CNTN5: variants seen among roughly 807,000 people sequenced by gnomAD.
CNTN5 encodes contactin-5.
In CNTN5, 77 loss-of-function variants were observed where a neutral mutation model predicts 129.1. The ratio of observed to expected loss-of-function variants is 0.60; its 90% CI spans 0.50 to 0.72. The LOEUF (loss-of-function observed/expected upper bound fraction) is 0.72. Ranked by LOEUF, CNTN5 falls within the 30% of genes least tolerant of loss-of-function variation. The pLI is 0.00. For synonymous variants in CNTN5, 509 were observed against 465.6 expected (o/e 1.09, Z -1.20); for missense variants, 1,478 against 1,328.8 (o/e 1.11, Z -1.75).
chr11:99,645,585 G>A (rs1003879685), intron 3 of CNTN5, among the ~76,000 whole-genome samples: 10 of 152,116 alleles, frequency 6.6e-5, no homozygotes, highest in African/African-American at 2.4e-4. Flanking sequence ...TTAAGAAAAT[G>A]TGGTAATATA....
chr11:99,102,208 G>A (rs1234538363), intron 1 of CNTN5, among the ~76,000 whole-genome samples: 1 of 152,072 alleles, frequency 6.6e-6, no homozygotes, highest in Non-Finnish European at 1.5e-5. Flanking sequence ...GGGGTTCTGG[G>A]CCTGGACCAC....
At chr11:99,790,952 T>C (rs1333213636) in intron 3 of CNTN5, among the ~76,000 whole-genome samples, 2 of 152,166 alleles carry the variant, frequency 1.3e-5, no homozygotes, top group Non-Finnish European at 2.9e-5. Context: ...CACATATATG[T>C]CTTCTTTTGA....
intron 2 of CNTN5, among the ~76,000 whole-genome samples, chr11:99,397,025 A>G (rs1941560809): frequency 1.3e-5 from 2 of 151,688 alleles, no homozygotes; most frequent in South Asian, 4.1e-4. Context: ...ATTGCCTAAA[A>G]TCTAATAGAT....
chr11:100,349,598 T>C (rs1178388672), intron 23 of CNTN5, among the ~76,000 whole-genome samples: 1 of 151,878 alleles, frequency 6.6e-6, no homozygotes, highest in African/African-American at 2.4e-5. Flanking sequence ...GTATAGGAGA[T>C]TTTGTTTTCT....
chr11:99,235,214 A>T (rs999455600), intron 1 of CNTN5, among the ~76,000 whole-genome samples: 6 of 152,136 alleles, frequency 3.9e-5, no homozygotes, highest in African/African-American at 1.4e-4. Flanking sequence ...AAGATAGCAC[A>T]TAACAAATTA....
intron 18 of CNTN5, among the ~76,000 whole-genome samples, chr11:100,288,643 A>C: frequency 6.6e-6 from 1 of 152,024 alleles, no homozygotes; most frequent in Non-Finnish European, 1.5e-5. Context: ...CTAAATGCCC[A>C]CAAGAGAAAG....
chr11:99,166,160 T>C (rs530060118), intron 1 of CNTN5, among the ~76,000 whole-genome samples: 16 of 152,214 alleles, frequency 1.1e-4, no homozygotes, highest in Non-Finnish European at 8.8e-5. Context: ...TCCCAGCACT[T>C]TGGGAGGCCA....
intron 3 of CNTN5, among the ~76,000 whole-genome samples, chr11:99,599,377 G>T (rs118034177): frequency 0.039 from 5,918 of 152,054 alleles, 149 homozygotes; most frequent in South Asian, 0.086. Flanking sequence ...TAGCCATTTA[G>T]AAATGGATTT....
intron 1 of CNTN5, among the ~76,000 whole-genome samples, chr11:99,051,794 G>C (rs1864437429): frequency 6.6e-6 from 1 of 151,776 alleles, no homozygotes; most frequent in Non-Finnish European, 1.5e-5. Context: ...TCTTTTTTCA[G>C]GGATTGTAGT....
At chr11:99,247,919 CAT>C (rs1256955738) in intron 1 of CNTN5, among the ~76,000 whole-genome samples, 3 of 152,150 alleles carry the variant, frequency 2.0e-5, no homozygotes, top group East Asian at 3.8e-4. Context: ...CCGCAATAAA[CAT>C]ATGTGTGCAA....
At chr11:99,904,489 G>T (rs1326312430) in intron 6 of CNTN5, among the ~76,000 whole-genome samples, 5 of 148,602 alleles carry the variant, frequency 3.4e-5, no homozygotes, top group African/African-American at 1.2e-4. Context: ...TTTTACGGCT[G>T]CATAGTATTC....
At chr11:99,788,322 G>A (rs1487050169) in intron 3 of CNTN5, among the ~76,000 whole-genome samples, 4 of 151,742 alleles carry the variant, frequency 2.6e-5, no homozygotes, top group Non-Finnish European at 5.9e-5. Flanking sequence ...AGGCTGTGGA[G>A]GGCATTTCAA....
intron 1 of CNTN5, among the ~76,000 whole-genome samples, chr11:99,311,694 C>T (rs886236908): frequency 3.9e-5 from 6 of 151,974 alleles, no homozygotes; most frequent in South Asian, 4.1e-4. Flanking sequence ...TTTAAAAAGT[C>T]GAACTCTTTA....
At chr11:100,058,063 T>C (rs193262814) in intron 9 of CNTN5, among the ~76,000 whole-genome samples, 168 of 152,214 alleles carry the variant, frequency 1.1e-3, no homozygotes, top group Admixed American at 2.5e-3. Flanking sequence ...TACTAGAATA[T>C]GTAACCAGCT....
chr11:99,983,665 T>C (rs1938492980), intron 8 of CNTN5, among the ~76,000 whole-genome samples: 1 of 152,184 alleles, frequency 6.6e-6, no homozygotes. Flanking sequence ...TGATTGACAA[T>C]ATGCTACCAT....
intron 13 of CNTN5, among the ~76,000 whole-genome samples, chr11:100,151,193 G>GTAAT (rs954084110): frequency 6.7e-6 from 1 of 149,020 alleles, no homozygotes; most frequent in African/African-American, 2.5e-5. Context: ...ATTGTTGTGT[G>GTAAT]TAATTAAACT....
chr11:99,808,473 C>G (rs1014810841), intron 3 of CNTN5, among the ~76,000 whole-genome samples: 2 of 152,126 alleles, frequency 1.3e-5, no homozygotes, highest in Non-Finnish European at 2.9e-5. Flanking sequence ...CTTTTGATAT[C>G]TTTTCTTTGA....
intron 9 of CNTN5, among the ~76,000 whole-genome samples, chr11:100,016,718 T>A (rs1940839236): frequency 6.6e-6 from 1 of 152,024 alleles, no homozygotes; most frequent in African/African-American, 2.4e-5. Flanking sequence ...AGCATGTTTA[T>A]GTATGCACAT....
chr11:99,570,866 G>A (rs948975736), intron 3 of CNTN5, among the ~76,000 whole-genome samples: 1 of 152,110 alleles, frequency 6.6e-6, no homozygotes, highest in Admixed American at 6.6e-5. Context: ...GGTCTCTAAG[G>A]AAAAACGCAA....
Sources: allele counts gnomAD v4.1 joint callset (sites outside exome capture counted in the v4.1 genomes callset), GRCh38; gene constraint gnomAD v4.1.1; transcripts MANE v1.5; gene names NCBI Gene and HGNC (gene_info 2026-07-23, HGNC 2026-07-21).